The following PHF21B variants were observed in gnomAD, a reference collection of about 807,000 sequenced individuals.
PHF21B encodes the protein PHD finger protein 4.
PHF21B carries 22 observed loss-of-function variants against 62.2 expected under a neutral mutation model. The observed-to-expected ratio is 0.35, with a 90% CI of 0.25 to 0.51. The LOEUF (loss-of-function observed/expected upper bound fraction) is 0.51, where lower values mean the gene tolerates loss of function less well. PHF21B is among the 20% of genes least tolerant of loss of function. The pLI is 0.97. For synonymous variants in PHF21B, 341 were observed against 314.7 expected, an observed-to-expected ratio of 1.08 and a Z score of -0.88; for missense variants, 701 against 707.9, an observed-to-expected ratio of 0.99 and a Z score of 0.11.
chr22:44,903,567 T>A (rs764359950), intron 5 of PHF21B, among the ~76,000 whole-genome samples: 65 of 152,204 alleles, frequency 4.3e-4, no homozygotes, highest in Non-Finnish European at 6.3e-4. Context: ...CTCAGCCAAG[T>A]CTTTTTGCCC....
rs1407870242 is a variant in PHF21B, at chr22:44,916,265, C to A, written c.564+15G>T. On this transcript the variant is annotated intron_variant, in intron 4 of 12. Transcript: ENST00000313237. ...GGCCGCACACCCTTTCCGGAGCCTG[C>A]TGGTGGGCACTCACCTTGTTGTCAG... is the stretch of plus-strand genomic sequence containing the variant. 2 of 1,605,004 alleles carry A rather than the reference C, an allele frequency of 1.2e-6. No homozygotes were observed. Among genetic ancestry groups the A allele is most frequent in the Non-Finnish European group, 1.7e-6 (2 of 1,177,568 alleles).
intron 2 of PHF21B, among the ~76,000 whole-genome samples, chr22:44,978,144 T>C (rs965782323): frequency 3.3e-5 from 5 of 152,166 alleles, no homozygotes; most frequent in African/African-American, 1.2e-4. Context: ...AATTTCTCTA[T>C]GGGAAATACC....
chr22:44,951,169 C>T (rs895235551), intron 2 of PHF21B, among the ~76,000 whole-genome samples: 1 of 152,194 alleles, frequency 6.6e-6, no homozygotes, highest in Non-Finnish European at 1.5e-5. Context: ...GGTCTCTGTG[C>T]AGTCAAACCT....
intron 2 of PHF21B, among the ~76,000 whole-genome samples, chr22:44,948,057 T>C (rs1041147734): frequency 8.0e-6 from 1 of 125,418 alleles, no homozygotes; most frequent in Non-Finnish European, 1.8e-5. Flanking sequence ...GCCTGTTTTG[T>C]ACCTTACATC....
intron 5 of PHF21B, among the ~76,000 whole-genome samples, chr22:44,898,426 A>T (rs894209636): frequency 1.3e-5 from 2 of 152,040 alleles, no homozygotes; most frequent in African/African-American, 4.8e-5. Context: ...TGTGTCTGCC[A>T]AGCTCCACTC....
intron 5 of PHF21B, among the ~76,000 whole-genome samples, chr22:44,907,245 C>T (rs5766176): frequency 0.76 from 115,995 of 152,136 alleles, 44,534 homozygotes; most frequent in East Asian, 0.96. Context: ...GCTGTAGGTG[C>T]CATTTTCTGT....
chr22:44,997,166 A>T (rs2073137448), intron 2 of PHF21B, among the ~76,000 whole-genome samples: 1 of 152,146 alleles, frequency 6.6e-6, no homozygotes, highest in Non-Finnish European at 1.5e-5. Context: ...TCAGACACAG[A>T]GAGCTCCACT....
intron 2 of PHF21B, among the ~76,000 whole-genome samples, chr22:44,988,361 C>T (rs1463536241): frequency 1.3e-5 from 2 of 152,080 alleles, no homozygotes; most frequent in South Asian, 2.1e-4. Flanking sequence ...ACTCAGGAGG[C>T]TGAGGTGGGA....
At chr22:44,985,891 C>T (rs1315341347) in intron 2 of PHF21B, among the ~76,000 whole-genome samples, 12 of 150,666 alleles carry the variant, frequency 8.0e-5, no homozygotes, top group Non-Finnish European at 1.8e-4. Context: ...AGCAGCACCA[C>T]CACCATCACC....
intron 12 of PHF21B, among the ~76,000 whole-genome samples, chr22:44,884,567 T>TGTC (rs2070816369): frequency 2.1e-5 from 1 of 47,050 alleles, no homozygotes; most frequent in South Asian, 7.2e-4. Context: ...TGATCGCCAT[T>TGTC]ATCACCATCA....
At chr22:44,983,704 AT>A (rs1456229118) in intron 2 of PHF21B, among the ~76,000 whole-genome samples, 1 of 152,236 alleles carries the variant, frequency 6.6e-6, no homozygotes, top group African/African-American at 2.4e-5. Context: ...CACCAATCAC[AT>A]AAAATGTTAA....
chr22:45,007,025 T>A (rs1416089519), intron 2 of PHF21B, among the ~76,000 whole-genome samples: 2 of 151,658 alleles, frequency 1.3e-5, no homozygotes, highest in East Asian at 3.9e-4. Flanking sequence ...CTCCCCGACT[T>A]CGCCGGGGCC....
At chr22:44,933,764 CAGAG>C (rs1219647958) in intron 2 of PHF21B, among the ~76,000 whole-genome samples, 1 of 151,816 alleles carries the variant, frequency 6.6e-6, no homozygotes, top group Non-Finnish European at 1.5e-5. Context: ...GAGACAGAGA[CAGAG>C]AGACAGACAC....
intron 6 of PHF21B, among the ~76,000 whole-genome samples, chr22:44,895,656 T>G (rs1217224644): frequency 6.6e-6 from 1 of 152,182 alleles, no homozygotes; most frequent in Non-Finnish European, 1.5e-5. Context: ...CCGGGCAGTC[T>G]GCCTCTTGTC....
In PHF21B at chr22:44,891,352, C is replaced by A. The variant is rs1474026761; in HGVS notation, c.969G>T (p.Arg323=). The change falls in exon 8 of 13, where the codon CGG becomes CGT. Residue 323 remains arginine, a synonymous_variant. Transcript: ENST00000313237. ...YSGLLETERK[R]LASNYLNNPL... ...GGTTGTTGAGATAGTTGGAGGCCAG[C>A]CGTTTCCTCTGCAGGGACAGAAAAC... The A allele has an allele frequency of 6.2e-7, 1 of 1,613,912 alleles. No individual in the cohort carries two copies. Among genetic ancestry groups the A allele is most frequent in the Non-Finnish European group, 8.5e-7 (1 of 1,179,972 alleles).
At chr22:44,932,318 T>C (rs2071758629) in intron 2 of PHF21B, among the ~76,000 whole-genome samples, 1 of 152,298 alleles carries the variant, frequency 6.6e-6, no homozygotes, top group African/African-American at 2.4e-5. Flanking sequence ...ACACAAGTGG[T>C]TGGTACTTAC....
chr22:45,001,874 C>T (rs754210970), intron 2 of PHF21B: 1 of 152,232 alleles, frequency 6.6e-6, no homozygotes, highest in Non-Finnish European at 1.5e-5. Context: ...CACCTCGAGG[C>T]CACCGCCGCT....
At chr22:44,996,665 CACAG>C (rs1261174478) in intron 2 of PHF21B, among the ~76,000 whole-genome samples, 3 of 152,080 alleles carry the variant, frequency 2.0e-5, no homozygotes, top group Non-Finnish European at 4.4e-5. Context: ...TACACACACA[CACAG>C]ACACACAAAC....
intron 2 of PHF21B, chr22:45,008,228 G>T: frequency 4.2e-6 from 1 of 235,328 alleles, no homozygotes; most frequent in Non-Finnish European, 8.2e-6. Flanking sequence ...AGCGCAAAGC[G>T]GGGGACTCCG....
Sources: allele counts gnomAD v4.1 joint callset (sites outside exome capture counted in the v4.1 genomes callset), GRCh38; gene constraint gnomAD v4.1.1; transcripts MANE v1.5; gene names NCBI Gene and HGNC (gene_info 2026-07-23, HGNC 2026-07-21).